Variants in GALNT6 observed in about 807,000 individuals in gnomAD.
The protein encoded by GALNT6 is polypeptide N-acetylgalactosaminyltransferase 6, also known as GalNAc transferase 6.
GALNT6 carries 51 observed loss-of-function variants against 65.9 expected under a neutral mutation model. The observed-to-expected ratio is 0.77, with a 90% CI of 0.62 to 0.98. The LOEUF is 0.98. Ranked by LOEUF, GALNT6 falls within the 50% of genes least tolerant of loss-of-function variation. The pLI is 0.00. For missense variants in GALNT6, 708 were observed against 803.3 expected, an observed-to-expected ratio of 0.88 and a Z score of 1.43; for synonymous variants, 323 against 315.1, an observed-to-expected ratio of 1.02 and a Z score of -0.26.
In GALNT6 at chr12:51,379,485, C is replaced by CCT; in HGVS notation, c.296_297insAG (p.Lys100GlyfsTer83). ...GTGGTGGCCGTTCCCAGAAGGGCTT[C>CCT]AGTTCAGCTGGGGTATAGAACCCAG... is the stretch of plus-strand genomic sequence containing the variant. On this transcript the variant is annotated frameshift_variant, in exon 3 of 12. Coordinates refer to ENST00000356317, the MANE Select transcript of GALNT6 (RefSeq NM_007210.4). LOFTEE classifies it high-confidence loss of function. 1 of 1,614,196 alleles carries CCT rather than the reference C, an allele frequency of 6.2e-7. No homozygotes were observed. Among genetic ancestry groups the CCT allele is most frequent in the Non-Finnish European group, 8.5e-7 (1 of 1,180,002 alleles).
intron 6 of GALNT6, among the ~76,000 whole-genome samples, chr12:51,363,415 T>C (rs970677343): frequency 1.3e-5 from 2 of 152,166 alleles, no homozygotes; most frequent in Admixed American, 1.3e-4. Context: ...GTGGGCAAAA[T>C]CTGGCTGCCT....
intron 4 of GALNT6, among the ~76,000 whole-genome samples, chr12:51,369,483 T>C (rs906825109): frequency 3.3e-5 from 5 of 151,706 alleles, no homozygotes; most frequent in African/African-American, 7.3e-5. Flanking sequence ...CCAACTTAGG[T>C]TCAACACCCC....
chr12:51,356,090 C>T, intron 10 of GALNT6, 132 bp from the exon 11 acceptor site: 1 of 696,800 alleles, frequency 1.4e-6, no homozygotes, highest in South Asian at 1.8e-5. Context: ...AGACTTTACT[C>T]ATTTATGTGC....
chr12:51,368,167 A>T (rs1947171154), intron 4 of GALNT6, among the ~76,000 whole-genome samples: 1 of 151,642 alleles, frequency 6.6e-6, no homozygotes, highest in Non-Finnish European at 1.5e-5. Context: ...GCAGATTAAG[A>T]TGAGAAGGCC....
chr12:51,390,496 A>G (rs931241584), intron 2 of GALNT6, among the ~76,000 whole-genome samples: 2 of 152,140 alleles, frequency 1.3e-5, no homozygotes, highest in Non-Finnish European at 2.9e-5. Context: ...CCCTCACCTG[A>G]CCTGGTTTTC....
intron 4 of GALNT6, among the ~76,000 whole-genome samples, chr12:51,369,782 C>T (rs867068939): frequency 6.6e-6 from 1 of 152,154 alleles, no homozygotes; most frequent in East Asian, 1.9e-4. Context: ...ATGCTAGAAT[C>T]CCCCCTGCTG....
chr12:51,379,175 A>G, intron 3 of GALNT6, 116 bp downstream of exon 3: 1 of 1,017,214 alleles, frequency 9.8e-7, no homozygotes, highest in South Asian at 2.0e-5. Flanking sequence ...ATCCTTGCCC[A>G]TATTATAAAA....
At chr12:51,367,965 C>T (rs1445043342) in intron 4 of GALNT6, among the ~76,000 whole-genome samples, 3 of 152,002 alleles carry the variant, frequency 2.0e-5, no homozygotes, top group African/African-American at 7.2e-5. Flanking sequence ...CCTAGCCAGT[C>T]TGCATGTGAG....
At chr12:51,370,380 A>G (rs966483293) in intron 4 of GALNT6, among the ~76,000 whole-genome samples, 2 of 152,196 alleles carry the variant, frequency 1.3e-5, no homozygotes, top group African/African-American at 4.8e-5. Context: ...CCCTGTCTCT[A>G]CTAAAAATTC....
intron 9 of GALNT6, 87 bp downstream of exon 9, chr12:51,358,043 T>C: frequency 1.5e-6 from 2 of 1,292,450 alleles, no homozygotes; most frequent in Non-Finnish European, 2.2e-6. Context: ...CAATTCTTGT[T>C]TGTCATCCAT....
At chr12:51,366,511 AT>A (rs1010392934) in intron 4 of GALNT6, among the ~76,000 whole-genome samples, 1 of 152,208 alleles carries the variant, frequency 6.6e-6, no homozygotes, top group Non-Finnish European at 1.5e-5. Flanking sequence ...TTTTAATTAT[AT>A]TAAGAAAATA....
At chr12:51,363,201 G>C (rs147702571) in intron 6 of GALNT6, among the ~76,000 whole-genome samples, 7 of 152,156 alleles carry the variant, frequency 4.6e-5, no homozygotes, top group African/African-American at 1.4e-4. Context: ...CAAACCACAG[G>C]CTACACTAAA....
At chr12:51,386,360 G>C (rs1039124210) in intron 2 of GALNT6, among the ~76,000 whole-genome samples, 1 of 152,026 alleles carries the variant, frequency 6.6e-6, no homozygotes, top group Admixed American at 6.6e-5. Context: ...GAGCCTCCCC[G>C]ACTCCACCCT....
At position 51,379,815 on chromosome 12, in the gene GALNT6, G is replaced by C. The variant is rs1032626211; in HGVS notation, c.-34C>G. 1 of 1,571,630 alleles carries C rather than the reference G, an allele frequency of 6.4e-7. No individual in the cohort carries two copies. The highest frequency in any genetic ancestry group is 1.8e-4 in the Middle Eastern group (1 of 5,644). On this transcript the variant is annotated 5_prime_UTR_variant, in exon 3 of 12. Coordinates refer to ENST00000356317, the MANE Select transcript of GALNT6 (RefSeq NM_007210.4). ...ACCAAGGGGCACCCCAGCTGCGTCA[G>C]CTCTGAGTCCTGAGCCCAACCCTGG...
chr12:51,358,334 T>C (rs1358766871), intron 8 of GALNT6, 73 bp from the exon 9 acceptor site: 4 of 1,531,626 alleles, frequency 2.6e-6, no homozygotes, highest in Non-Finnish European at 3.5e-6. Flanking sequence ...GGAGTCTCAC[T>C]CTGTTGCCCA....
Position 51,358,118 on chromosome 12 carries a change from C to T in GALNT6, c.1500+12G>A. On this transcript the variant is annotated intron_variant, in intron 9 of 11. Transcript: ENST00000356317. ...GTGGTGATGGGCAGGCAGGTTGGTT[C>T]TCAAGACTTACGGCACCATAGAAGG... is the stretch of plus-strand genomic sequence containing the variant. 6.2e-7 allele frequency: 1 copy of T among 1,611,374 alleles called. No individual in the cohort carries two copies. The highest frequency in any genetic ancestry group is 1.1e-5 in the South Asian group (1 of 91,006).
At chr12:51,376,893 G>A (rs1192383677) in intron 4 of GALNT6, among the ~76,000 whole-genome samples, 2 of 152,146 alleles carry the variant, frequency 1.3e-5, no homozygotes, top group African/African-American at 4.8e-5. Flanking sequence ...AGAGGTGAAG[G>A]CCTGTCCCTA....
At chr12:51,356,771 TTAAAA>T (rs138600021) in intron 10 of GALNT6, among the ~76,000 whole-genome samples, 32,695 of 151,928 alleles carry the variant, frequency 0.22, 3,751 homozygotes, top group Non-Finnish European at 0.26. Context: ...TACATTACTA[TTAAAA>T]TAAAAAATGT....
intron 2 of GALNT6, among the ~76,000 whole-genome samples, chr12:51,380,699 G>A (rs1947638850): frequency 6.6e-6 from 1 of 152,186 alleles, no homozygotes; most frequent in Non-Finnish European, 1.5e-5. Context: ...GCTGAGGCAG[G>A]AGAGTCACTT....
Sources: allele counts gnomAD v4.1 joint callset (sites outside exome capture counted in the v4.1 genomes callset), GRCh38; gene constraint gnomAD v4.1.1; transcripts MANE v1.5; gene names NCBI Gene and HGNC (gene_info 2026-07-23, HGNC 2026-07-21).